Variants in FBXO4 observed in about 807,000 individuals in gnomAD.
FBXO4 encodes the protein F-box only protein 4.
FBXO4 carries 36 observed loss-of-function variants against 43.7 expected under a neutral mutation model. The ratio of observed to expected loss-of-function variants is 0.82; its 90% CI spans 0.63 to 1.09. FBXO4 has a LOEUF of 1.09. Among genes scored for constraint, FBXO4 ranks in the 50% least tolerant of loss-of-function variants. The probability of loss-of-function intolerance (pLI) is 0.00; values close to 1 mark genes in which losing one functional copy is unlikely to be tolerated. For synonymous variants in FBXO4, 180 were observed against 165.6 expected, an observed-to-expected ratio of 1.09 and a Z score of -0.67; for missense variants, 435 against 474.1, an observed-to-expected ratio of 0.92 and a Z score of 0.77.
chr5:41,928,338 CT>C (rs560942725), intron 2 of FBXO4, among the ~76,000 whole-genome samples: 208 of 141,292 alleles, frequency 1.5e-3, no homozygotes, highest in Middle Eastern at 3.7e-3. Context: ...TCTTTCTTTT[CT>C]TTTTTTTTTT....
At chr5:42,014,994 C>A in the FBXO4 span, among the ~76,000 whole-genome samples, 5 of 152,104 alleles carry the variant, frequency 3.3e-5, no homozygotes, top group Non-Finnish European at 7.4e-5. Flanking sequence ...TGAGGCAATT[C>A]TTGGCACAAG....
chr5:42,038,286 G>A, the FBXO4 span, among the ~76,000 whole-genome samples: 1 of 152,068 alleles, frequency 6.6e-6, no homozygotes, highest in African/African-American at 2.4e-5. Context: ...TGGAAAAGCA[G>A]TTATGGATAG....
At chr5:42,020,305 AC>A in the FBXO4 span, among the ~76,000 whole-genome samples, 1 of 152,184 alleles carries the variant, frequency 6.6e-6, no homozygotes, top group Non-Finnish European at 1.5e-5. Context: ...CAATCAAGTA[AC>A]AATTATTGAT....
the FBXO4 span, among the ~76,000 whole-genome samples, chr5:42,022,845 G>GAGA: frequency 6.6e-6 from 1 of 152,020 alleles, no homozygotes; most frequent in South Asian, 2.1e-4. Flanking sequence ...AGGGAGAAAA[G>GAGA]AGAAGCTCAG....
At chr5:41,945,550 G>A (rs571094401), downstream of FBXO4, among the ~76,000 whole-genome samples, 208 of 152,308 alleles carry the variant, frequency 1.4e-3, no homozygotes, top group Middle Eastern at 0.014. Flanking sequence ...AGCACGCGAT[G>A]TGCTTCCCCC....
the FBXO4 span, among the ~76,000 whole-genome samples, chr5:41,950,663 C>T: frequency 1.3e-5 from 2 of 152,142 alleles, no homozygotes; most frequent in African/African-American, 4.8e-5. Context: ...GGTGATTTCT[C>T]AAGGATCTAG....
the FBXO4 span, among the ~76,000 whole-genome samples, chr5:41,993,850 G>C: frequency 6.6e-6 from 1 of 151,952 alleles, no homozygotes; most frequent in Non-Finnish European, 1.5e-5. Flanking sequence ...AGCCAGTCTA[G>C]TGTTTTGCAT....
the FBXO4 span, among the ~76,000 whole-genome samples, chr5:41,950,010 G>A: frequency 1.3e-5 from 2 of 151,964 alleles, no homozygotes; most frequent in African/African-American, 4.8e-5. Context: ...CTGGCTAGCT[G>A]TATGTAGAAA....
the FBXO4 span, among the ~76,000 whole-genome samples, chr5:42,023,474 A>G: frequency 1.3e-5 from 2 of 152,076 alleles, no homozygotes; most frequent in African/African-American, 4.8e-5. Context: ...TCTAAATACA[A>G]TAGGTATTCT....
chr5:41,983,068 A>G, the FBXO4 span, among the ~76,000 whole-genome samples: 3 of 152,184 alleles, frequency 2.0e-5, no homozygotes, highest in Non-Finnish European at 4.4e-5. Flanking sequence ...TTATGGCTGC[A>G]TAGTACTCCA....
At chr5:41,926,819 C>T (rs1751519313) in intron 1 of FBXO4, among the ~76,000 whole-genome samples, 194 bp from the exon 2 acceptor site, 1 of 152,022 alleles carries the variant, frequency 6.6e-6, no homozygotes, top group Admixed American at 6.6e-5. Flanking sequence ...TTAACAACTA[C>T]GAAACTAAAA....
At chr5:42,034,965 T>C in the FBXO4 span, among the ~76,000 whole-genome samples, 1 of 152,118 alleles carries the variant, frequency 6.6e-6, no homozygotes, top group African/African-American at 2.4e-5. Flanking sequence ...AGAATGGCCA[T>C]TTTCTTGATA....
chr5:42,019,390 T>C, the FBXO4 span, among the ~76,000 whole-genome samples: 1 of 152,150 alleles, frequency 6.6e-6, no homozygotes, highest in African/African-American at 2.4e-5. Context: ...ATGTGTCTAC[T>C]AGAAAATGTA....
chr5:41,967,847 T>C, the FBXO4 span: 1 of 590,950 alleles, frequency 1.7e-6, no homozygotes, highest in Middle Eastern at 3.2e-4. Context: ...TTGATTAAAT[T>C]CAACAATTCT....
At chr5:42,008,768 T>A in the FBXO4 span, among the ~76,000 whole-genome samples, 1 of 152,218 alleles carries the variant, frequency 6.6e-6, no homozygotes, top group East Asian at 1.9e-4. Context: ...TTTTTAGTAT[T>A]TGACACTTTA....
chr5:42,033,151 T>C, the FBXO4 span, among the ~76,000 whole-genome samples: 1 of 152,098 alleles, frequency 6.6e-6, no homozygotes, highest in Admixed American at 6.6e-5. Context: ...AAGAAGTCTG[T>C]TTTGAAGTTG....
At chr5:41,973,089 A>C in the FBXO4 span, among the ~76,000 whole-genome samples, 1 of 152,228 alleles carries the variant, frequency 6.6e-6, no homozygotes, top group Non-Finnish European at 1.5e-5. Flanking sequence ...AATTAAACTA[A>C]AGAGTTACTG....
rs1228844396 is a variant in FBXO4, at chr5:41,927,098, C to G, written c.275C>G (p.Thr92Ser). Residue 92 changes from threonine (T) to serine (S), a missense_variant, in exon 2 of 7, where the codon ACT becomes AGT. Coordinates refer to ENST00000281623, the MANE Select transcript of FBXO4 (RefSeq NM_012176.3). ...LGSTNHYWNE[T>S]VRDPILWRYF... is the part of the protein sequence containing the mutation. Reference sequence around the variant, plus strand: ...AGTACAAATCATTATTGGAATGAAACTGTAAGAGATCCAATTCTGTGGAGA... The same window carrying G: ...AGTACAAATCATTATTGGAATGAAAGTGTAAGAGATCCAATTCTGTGGAGA... The G allele has an allele frequency of 6.2e-7, 1 of 1,613,660 alleles. No individual in the cohort carries two copies. Among genetic ancestry groups the G allele is most frequent in the Middle Eastern group, 1.6e-4 (1 of 6,080 alleles).
chr5:41,934,468 T>C (rs1368409511), intron 5 of FBXO4, 160 bp downstream of exon 5: 3 of 1,461,452 alleles, frequency 2.1e-6, no homozygotes, highest in Non-Finnish European at 2.7e-6. Flanking sequence ...CACACTTTTG[T>C]GTGTATTAGG....
Sources: gnomAD v4.1 joint callset for allele counts (sites outside exome capture counted in the v4.1 genomes callset) on GRCh38, gnomAD v4.1.1 for gene constraint, MANE v1.5 for transcripts, NCBI Gene and HGNC (gene_info 2026-07-23, HGNC 2026-07-21) for gene names.